The following CTC1 variants were observed in gnomAD, a reference collection of about 807,000 sequenced individuals.
CTC1 encodes CST complex subunit CTC1.
Under a neutral mutation model 136.3 loss-of-function variants are expected in CTC1, and 91 were observed. That is an observed-to-expected ratio of 0.67 (90% CI 0.56 to 0.79). CTC1 has a LOEUF of 0.79. Ranked by LOEUF, CTC1 falls within the 30% of genes least tolerant of loss-of-function variation. CTC1 has a pLI of 0.00. For synonymous variants in CTC1, 606 were observed against 613.8 expected (o/e 0.99, Z 0.19); for missense variants, 1,432 against 1,498.1 (o/e 0.96, Z 0.73).
chr17:8,245,574 T>A (rs953256627), intron 1 of CTC1, among the ~76,000 whole-genome samples: 2 of 152,108 alleles, frequency 1.3e-5, no homozygotes, highest in African/African-American at 4.8e-5. Flanking sequence ...CTCAAAGTGA[T>A]CCCATGGCTT....
chr17:8,245,765 CT>C (rs1478597154), intron 1 of CTC1, among the ~76,000 whole-genome samples: 5 of 152,082 alleles, frequency 3.3e-5, no homozygotes, highest in African/African-American at 1.2e-4. Context: ...AAAGACCCGT[CT>C]CTACAAAAAA....
chr17:8,237,117 G>A (rs1987796491), intron 5 of CTC1, among the ~76,000 whole-genome samples: 1 of 150,606 alleles, frequency 6.6e-6, no homozygotes, highest in African/African-American at 2.4e-5. Context: ...ATCTCCACAA[G>A]TGAGCGTGGC....
rs762131583 is a variant in CTC1 at position 8,235,016 on chromosome 17, C to T, written c.1439+37G>A. The stretch of plus-strand genomic sequence containing the variant: ...TCCTTGCCAAGGAAGTGTGCTACTC[C>T]CACTGCCTCCCCGCCCTGGGCCCTC... On this transcript the variant is annotated intron_variant, in intron 8 of 22. Transcript: ENST00000651323. 5.0e-6 allele frequency: 8 copies of T among 1,609,352 alleles called. No homozygotes were observed. In the Admixed American group the frequency reaches 8.3e-5, roughly 17 times the overall value.
chr17:8,234,879 G>A lies in CTC1; in HGVS notation c.1487C>T (p.Ser496Phe), dbSNP rs1567608157. 1.2e-6 allele frequency: 2 copies of A among 1,611,570 alleles called. No individual in the cohort carries two copies. Among genetic ancestry groups the A allele is most frequent in the Non-Finnish European group, 1.7e-6 (2 of 1,178,820 alleles). Reference protein sequence around the residue: ...LRHHQFLQHSSPGSPSLGLQL... With the variant: ...LRHHQFLQHSFPGSPSLGLQL... ...CAGTCCCAGGCTGGGGCTCCCAGGA[G>A]AGGAATGTTGCAGGAACTGGTGGTG... The change falls in exon 9 of 23, where the codon TCT becomes TTT. Residue 496 changes from serine to phenylalanine, a missense_variant. By Grantham distance (155) the Ser-to-Phe change is radical. Coordinates refer to ENST00000651323, the MANE Select transcript of CTC1 (RefSeq NM_025099.6).
At chr17:8,232,541 C>T in intron 11 of CTC1, 66 bp from the exon 12 acceptor site, 1 of 1,349,946 alleles carries the variant, frequency 7.4e-7, no homozygotes, top group Non-Finnish European at 1.1e-6. Context: ...CAAGGCAAAC[C>T]ATCCTACCGG....
In CTC1 at chr17:8,235,207, C is replaced by T. The variant is rs191350236; in HGVS notation, c.1285G>A (p.Val429Ile). 16 of 1,614,118 alleles carry T rather than the reference C, an allele frequency of 9.9e-6. No individual in the cohort carries two copies. Among genetic ancestry groups the T allele is most frequent in the African/African-American group, 4.0e-5 (3 of 75,038 alleles). Residue 429 changes from valine (V) to isoleucine (I), a missense_variant, in exon 8 of 23, where the codon GTT (valine) becomes ATT (isoleucine). Transcript: ENST00000651323. ...TGACGAGAGAAGCTTTGAAGCAGAA[C>T]GGCGCCACGGAGGCAGGGGGCGAGC... ...PVLAPCLRGA[V>I]LLQSFSRQKP... is the part of the protein sequence containing the mutation.
At chr17:8,246,671 C>T (rs1375225135) in intron 1 of CTC1, among the ~76,000 whole-genome samples, 2 of 151,962 alleles carry the variant, frequency 1.3e-5, no homozygotes, top group Non-Finnish European at 2.9e-5. Context: ...CAGATCACGA[C>T]GTCAGGAGAT....
chr17:8,247,993 G>C lies in CTC1; in HGVS notation c.33+11C>G, dbSNP rs369233825. The stretch of plus-strand genomic sequence containing the variant: ...GAAAAAAGGAACAAGAGACGTAATA[G>C]CAGCACTCACGGAGGAAGGGACCTG... On this transcript the variant is annotated intron_variant, in intron 1 of 22. Transcript: ENST00000651323. 5 of 1,562,670 alleles carry C rather than the reference G, an allele frequency of 3.2e-6. No homozygotes were observed. Among genetic ancestry groups the C allele is most frequent in the African/African-American group, 1.4e-5 (1 of 73,468 alleles).
chr17:8,245,845 T>C (rs1428109443), intron 1 of CTC1, among the ~76,000 whole-genome samples: 1 of 139,408 alleles, frequency 7.2e-6, no homozygotes, highest in Non-Finnish European at 1.5e-5. Context: ...GGTGGGAGGA[T>C]CACCTGAGCC....
rs1425466908 is a variant in CTC1 at position 8,226,294 on chromosome 17, C to G, written c.*1886G>C. The G allele has an allele frequency of 4.6e-5, 7 of 152,278 alleles. No homozygotes were observed. The highest frequency in any genetic ancestry group is 1.4e-4 in the African/African-American group (6 of 41,438). 9.4% of individuals were successfully genotyped at this position (152,278 alleles called of 1,614,324 possible). A position where few individuals can be genotyped will look rare whatever the true frequency, so the allele number is the denominator to read the frequency against. On this transcript the variant is annotated 3_prime_UTR_variant, in exon 23 of 23. Coordinates refer to ENST00000651323, the MANE Select transcript of CTC1 (RefSeq NM_025099.6). The stretch of plus-strand genomic sequence containing the variant: ...TTTACTAGACAGGCGCTTTAACCAA[C>G]TAAGCCACGGCGCCGAAGCTGCCAT...
intron 2 of CTC1, among the ~76,000 whole-genome samples, chr17:8,242,083 G>A (rs1988275275): frequency 6.6e-6 from 1 of 151,818 alleles, no homozygotes; most frequent in Admixed American, 6.6e-5. Context: ...CAGCTAGAGT[G>A]CAATGGTGCG....
intron 17 of CTC1, 127 bp downstream of exon 17, chr17:8,230,158 GGGCACAAAT>G: frequency 2.0e-6 from 2 of 1,020,430 alleles, no homozygotes; most frequent in Non-Finnish European, 2.9e-6. Context: ...GGTACTGGCT[GGGCACAAAT>G]GGCAGACTGA....
In CTC1 at chr17:8,227,121, A is replaced by T. The variant is rs146194728; in HGVS notation, c.*1059T>A. ...TATAGGGTATTGCTACCATAAAAGC[A>T]GCATAAATCCCAACATATGGGTTTA... On this transcript the variant is annotated 3_prime_UTR_variant, in exon 23 of 23. Coordinates refer to ENST00000651323, the MANE Select transcript of CTC1 (RefSeq NM_025099.6). The T allele has an allele frequency of 1.1e-4, 17 of 152,174 alleles. No homozygotes were observed. The highest frequency in any genetic ancestry group is 2.9e-4 in the African/African-American group (12 of 41,418). The allele number at this position is 152,174 out of a possible 1,614,324, so 9.4% of individuals were successfully genotyped here.
intron 2 of CTC1, among the ~76,000 whole-genome samples, chr17:8,241,164 T>C (rs144773087): frequency 1.1e-3 from 172 of 152,128 alleles, no homozygotes; most frequent in African/African-American, 3.9e-3. Context: ...GGCAGGCACC[T>C]GTAATCCCAG....
At chr17:8,243,318 G>A (rs1988432796) in intron 1 of CTC1, among the ~76,000 whole-genome samples, 170 bp from the exon 2 acceptor site, 1 of 152,054 alleles carries the variant, frequency 6.6e-6, no homozygotes, top group African/African-American at 2.4e-5. Context: ...TTGGGAGTTC[G>A]AGACCAGCCT....
rs750135934 is a variant in CTC1 at position 8,238,678 on chromosome 17, C to T, written c.198-49G>A. ...TCCTGCAAAGCCAGGTCCAAGCCTA[C>T]TAAGGCAACCCTCAACCCTGATAAA... On this transcript the variant is annotated intron_variant, in intron 2 of 22. Transcript: ENST00000651323. 33 of 1,377,772 alleles carry T rather than the reference C, an allele frequency of 2.4e-5. No individual in the cohort carries two copies. In the South Asian group the frequency reaches 3.9e-4, roughly 16 times the overall value. 85.3% of individuals were successfully genotyped at this position (1,377,772 alleles called of 1,614,324 possible). A position where few individuals can be genotyped will look rare whatever the true frequency, so the allele number is the denominator to read the frequency against.
Position 8,232,234 on chromosome 17 carries a change from G to C in CTC1, c.2061-7C>G. 1 of 1,535,808 alleles carries C rather than the reference G, an allele frequency of 6.5e-7. No homozygotes were observed. The highest frequency in any genetic ancestry group is 2.3e-5 in the East Asian group (1 of 44,360). On this transcript the variant is annotated splice_polypyrimidine_tract_variant and splice_region_variant and intron_variant, in intron 12 of 22. Coordinates refer to ENST00000651323, the MANE Select transcript of CTC1 (RefSeq NM_025099.6). ...AAAGAACTGGACATAGACTCTGTTG[G>C]GAGAGACAAGGAATACATTTCTTAG... is the stretch of plus-strand genomic sequence containing the variant.
Position 8,236,128 on chromosome 17 carries a change from A to C in CTC1, c.1007T>G (p.Met336Arg). 2 of 1,614,234 alleles carry C rather than the reference A, an allele frequency of 1.2e-6. No homozygotes were observed. Among genetic ancestry groups the C allele is most frequent in the Non-Finnish European group, 1.7e-6 (2 of 1,180,040 alleles). ...CTTCTTGTCCTCCGAGTTGCTGGGC[A>C]TGGGGAGTGGCTTGGGGTCAGCCTC... ...LLEADPKPLP[M>R]PSNSEDKKDP... The change falls in exon 6 of 23, where the codon ATG (methionine) becomes AGG (arginine). Residue 336 changes from methionine to arginine, a missense_variant. Coordinates refer to ENST00000651323, the MANE Select transcript of CTC1 (RefSeq NM_025099.6).
rs568070375 is a variant in CTC1 at position 8,227,131 on chromosome 17, C to G, written c.*1049G>C. 1 of 152,084 alleles carries G rather than the reference C, an allele frequency of 6.6e-6. No homozygotes were observed. The highest frequency in any genetic ancestry group is 2.4e-5 in the African/African-American group (1 of 41,406). 9.4% of individuals were successfully genotyped at this position (152,084 alleles called of 1,614,324 possible). On this transcript the variant is annotated 3_prime_UTR_variant, in exon 23 of 23. Coordinates refer to ENST00000651323, the MANE Select transcript of CTC1 (RefSeq NM_025099.6). ...TGCTACCATAAAAGCAGCATAAATC[C>G]CAACATATGGGTTTAACCACGCTCT... is the stretch of plus-strand genomic sequence containing the variant.
Sources: allele counts gnomAD v4.1 joint callset (sites outside exome capture counted in the v4.1 genomes callset), GRCh38; gene constraint gnomAD v4.1.1; transcripts MANE v1.5; gene names NCBI Gene and HGNC (gene_info 2026-07-23, HGNC 2026-07-21).